SLC37A1: variants seen among roughly 807,000 people sequenced by gnomAD.
SLC37A1 encodes glucose-6-phosphate exchanger SLC37A1.
SLC37A1 carries 49 observed loss-of-function variants against 75.3 expected under a neutral mutation model. The ratio of observed to expected loss-of-function variants is 0.65; its 90% CI spans 0.52 to 0.83. SLC37A1 has a LOEUF of 0.83. Ranked by LOEUF, SLC37A1 falls within the 40% of genes least tolerant of loss-of-function variation. The pLI is 0.00. For missense variants in SLC37A1, 566 were observed against 695.0 expected, an observed-to-expected ratio of 0.81 and a Z score of 2.09; for synonymous variants, 268 against 292.1, an observed-to-expected ratio of 0.92 and a Z score of 0.84.
intron 2 of SLC37A1, among the ~76,000 whole-genome samples, chr21:42,521,227 G>A (rs762065027): frequency 6.6e-5 from 10 of 152,222 alleles, no homozygotes; most frequent in Non-Finnish European, 1.5e-4. Flanking sequence ...GAGGCAGACA[G>A]CACTTTAACC....
chr21:42,553,974 A>G, intron 9 of SLC37A1, 88 bp from the exon 10 acceptor site: 1 of 1,091,604 alleles, frequency 9.2e-7, no homozygotes, highest in Non-Finnish European at 1.3e-6. Context: ...TTTTGGGACG[A>G]TAGTAAGTAT....
At position 42,580,437 on chromosome 21, in the gene SLC37A1, GC is replaced by G; in HGVS notation, c.*80del. ...CTTTCAAGGACAGTTCAGACAAAGG[GC>G]CCTGCATGGAAAGAGTGACCTCCCT... On this transcript the variant is annotated 3_prime_UTR_variant, in exon 20 of 20. Transcript: ENST00000352133. The G allele has an allele frequency of 6.6e-7, 1 of 1,510,638 alleles. No homozygotes were observed. 93.6% of individuals were successfully genotyped at this position (1,510,638 alleles called of 1,614,324 possible). A position where few individuals can be genotyped will look rare whatever the true frequency, so the allele number is the denominator to read the frequency against.
chr21:42,535,897 C>G (rs898114800), intron 5 of SLC37A1, among the ~76,000 whole-genome samples: 26 of 152,368 alleles, frequency 1.7e-4, no homozygotes, highest in African/African-American at 6.3e-4. Context: ...GTTTCCTGTT[C>G]AGCAGAGCCC....
chr21:42,579,865 CT>C (rs1247652386), intron 19 of SLC37A1, 65 bp downstream of exon 19: 1 of 1,507,586 alleles, frequency 6.6e-7, no homozygotes, highest in Non-Finnish European at 9.2e-7. Context: ...TCTGTCCTAT[CT>C]GCCTTCTGCA....
At chr21:42,553,134 G>A (rs768136933) in intron 9 of SLC37A1, among the ~76,000 whole-genome samples, 5 of 152,120 alleles carry the variant, frequency 3.3e-5, no homozygotes, top group Non-Finnish European at 5.9e-5. Context: ...CGTGTTTCCC[G>A]CCTTTTGGAG....
intron 6 of SLC37A1, among the ~76,000 whole-genome samples, chr21:42,540,343 T>C (rs2055245289): frequency 6.6e-6 from 1 of 152,106 alleles, no homozygotes; most frequent in African/African-American, 2.4e-5. Context: ...CCTTTATCAG[T>C]GCCTAGGAGT....
intron 1 of SLC37A1, among the ~76,000 whole-genome samples, chr21:42,515,558 T>C (rs2054508682): frequency 6.6e-6 from 1 of 152,214 alleles, no homozygotes; most frequent in Non-Finnish European, 1.5e-5. Context: ...TGGGTGGGTC[T>C]GGGAGTGGAG....
intron 1 of SLC37A1, among the ~76,000 whole-genome samples, chr21:42,515,415 TTTGA>T (rs753095405): frequency 1.4e-4 from 21 of 152,106 alleles, no homozygotes; most frequent in Non-Finnish European, 2.6e-4. Context: ...GTGGGGCCGC[TTTGA>T]TTATGTGTAA....
At chr21:42,561,170 G>A (rs927360702) in intron 11 of SLC37A1, among the ~76,000 whole-genome samples, 1 of 152,332 alleles carries the variant, frequency 6.6e-6, no homozygotes, top group East Asian at 1.9e-4. Flanking sequence ...AAAGTAGAGC[G>A]CTGGGTTCCC....
chr21:42,558,264 T>C (rs562208205), intron 10 of SLC37A1, among the ~76,000 whole-genome samples: 1 of 152,388 alleles, frequency 6.6e-6, no homozygotes, highest in East Asian at 1.9e-4. Flanking sequence ...TCAGAATTCA[T>C]AAATATCAGA....
intron 17 of SLC37A1, among the ~76,000 whole-genome samples, chr21:42,572,677 C>CACAAAAA (rs1378861804): frequency 1.4e-4 from 11 of 80,516 alleles, no homozygotes; most frequent in African/African-American, 4.4e-4. Flanking sequence ...CACACACACA[C>CACAAAAA]AAAAAAAAAA....
At chr21:42,574,734 T>A in intron 17 of SLC37A1, 84 bp from the exon 18 acceptor site, 1 of 1,312,100 alleles carries the variant, frequency 7.6e-7, no homozygotes, top group Non-Finnish European at 1.1e-6. Context: ...GAGTGAGGTG[T>A]TGAGCCCCAT....
At position 42,539,566 on chromosome 21, in the gene SLC37A1, C is replaced by T. The variant is rs116869533; in HGVS notation, c.405C>T (p.Leu135=). Residue 135 remains leucine (L), a synonymous_variant, in exon 6 of 20, where the codon CTC becomes CTT. Coordinates refer to ENST00000352133, the MANE Select transcript of SLC37A1 (RefSeq NM_001320537.2). ...GGTATTACCTAACTTTCGGGATGCT[C>T]GCCAGCGGAGCCTTCACCGCCCTGT... ...PIRYYLTFGM[L]ASGAFTALFG... The T allele has an allele frequency of 0.012, 18,604 of 1,613,944 alleles. 150 individuals carry two copies. The highest frequency in any genetic ancestry group is 0.013 in the Non-Finnish European group (15,311 of 1,179,950).
rs780937577 is a variant in SLC37A1 at position 42,564,763 on chromosome 21, C to T, written c.1191C>T (p.Cys397=). ...GACTGGAGAAAAGGGCCTCCACCTGCGGCCTGATGCTGCTGCTCGCGGCCC... is the reference window on the plus strand; with the variant it reads ...GACTGGAGAAAAGGGCCTCCACCTGTGGCCTGATGCTGCTGCTCGCGGCCC... ...SDRLEKRAST[C]GLMLLLAAPT... is the part of the protein sequence containing the mutation. Residue 397 remains cysteine (C), a synonymous_variant, in exon 14 of 20, where the codon TGC becomes TGT. Transcript: ENST00000352133. The T allele has an allele frequency of 1.4e-5, 22 of 1,608,436 alleles. No individual in the cohort carries two copies. The highest frequency in any genetic ancestry group is 4.5e-5 in the East Asian group (2 of 44,896).
At chr21:42,508,122 CTTTTTTTT>C (rs398036474) in intron 2 of SLC37A1, among the ~76,000 whole-genome samples, 5 of 80,932 alleles carry the variant, frequency 6.2e-5, no homozygotes, top group Admixed American at 1.7e-4. Context: ...AGAGTACGCT[CTTTTTTTT>C]TTTTTTTTTT....
chr21:42,502,591 A>G (rs1323836605), intron 2 of SLC37A1: 1 of 152,218 alleles, frequency 6.6e-6, no homozygotes, highest in Non-Finnish European at 1.5e-5. Flanking sequence ...TTTGCAGGCC[A>G]CTTTCATATA....
chr21:42,574,764 T>A, intron 17 of SLC37A1, 54 bp from the exon 18 acceptor site: 1 of 1,571,904 alleles, frequency 6.4e-7, no homozygotes, highest in Non-Finnish European at 8.7e-7. Context: ...CTGCTAGTTA[T>A]GTGCTGGGAT....
At chr21:42,546,588 C>G (rs535756140) in intron 8 of SLC37A1, among the ~76,000 whole-genome samples, 1 of 152,196 alleles carries the variant, frequency 6.6e-6, no homozygotes, top group East Asian at 1.9e-4. Flanking sequence ...GTAGCGTTCA[C>G]GTTCACAGTG....
intron 5 of SLC37A1, among the ~76,000 whole-genome samples, chr21:42,535,817 G>A (rs576420479): frequency 4.6e-5 from 7 of 152,324 alleles, no homozygotes; most frequent in Non-Finnish European, 7.3e-5. Context: ...AGCTTTCCTG[G>A]CCCTGAAGTT....
Sources: allele counts gnomAD v4.1 joint callset (sites outside exome capture counted in the v4.1 genomes callset), GRCh38; gene constraint gnomAD v4.1.1; transcripts MANE v1.5; gene names NCBI Gene and HGNC (gene_info 2026-07-23, HGNC 2026-07-21).